The following ANK2 variants were observed in gnomAD, a reference collection of about 807,000 sequenced individuals.
ANK2 encodes ankyrin 2.
A neutral mutation model predicts 360.5 loss-of-function variants in ANK2; 83 were observed. The observed-to-expected ratio is 0.23, with a 90% CI of 0.19 to 0.28. The LOEUF is 0.28. Ranked by LOEUF, ANK2 falls within the 10% of genes least tolerant of loss-of-function variation. The pLI, the probability that ANK2 is intolerant of heterozygous loss-of-function variation, is 1.00. For synonymous variants in ANK2, 1,740 were observed against 1,759.5 expected (o/e 0.99, Z 0.28); for missense variants, 4,201 against 4,795.7 (o/e 0.88, Z 3.66).
intron 35 of ANK2, chr4:113,348,025 T>C: frequency 1.9e-6 from 1 of 518,668 alleles, no homozygotes; most frequent in South Asian, 2.4e-5. Context: ...GGTGACCTAG[T>C]ATCTGGAATT....
chr4:113,317,375 A>T (rs564415119), intron 24 of ANK2: 1 of 373,126 alleles, frequency 2.7e-6, no homozygotes, highest in South Asian at 2.4e-5. Context: ...TCCTGGAATT[A>T]TTTCCTGAGT....
At chr4:113,323,191 T>A (rs2087409575) in intron 26 of ANK2, among the ~76,000 whole-genome samples, 1 of 152,058 alleles carries the variant, frequency 6.6e-6, no homozygotes, top group Non-Finnish European at 1.5e-5. Context: ...GGAAATGAAG[T>A]ATTGACAAAA....
intron 35 of ANK2, among the ~76,000 whole-genome samples, chr4:113,346,565 T>G (rs1386421560): frequency 6.6e-6 from 1 of 152,122 alleles, no homozygotes; most frequent in Non-Finnish European, 1.5e-5. Flanking sequence ...TAGGAGCATA[T>G]AAACTGGTGT....
chr4:113,278,620 G>T, intron 17 of ANK2, 62 bp downstream of exon 17: 2 of 1,520,166 alleles, frequency 1.3e-6, no homozygotes, highest in South Asian at 2.3e-5. Context: ...AAACACATGA[G>T]AATTGTCTTT....
At chr4:112,959,264 T>C (rs1042585222) in intron 2 of ANK2, among the ~76,000 whole-genome samples, 1 of 152,104 alleles carries the variant, frequency 6.6e-6, no homozygotes, top group Non-Finnish European at 1.5e-5. Context: ...GGTTATCTTG[T>C]TGGGGAAAAA....
In ANK2 at chr4:113,369,781, C is replaced by T. The variant is rs749279759; in HGVS notation, c.11586C>T (p.Leu3862=). The change falls in exon 43 of 46, where the codon CTC becomes CTT. Residue 3862 remains leucine, a synonymous_variant. Transcript: ENST00000357077. ...ADNQPETCER[L]DEDAAFEKGD... is the part of the protein sequence containing the mutation. ...ACCAGCCTGAGACCTGTGAAAGACT[C>T]GATGAAGATGCAGCTTTTGAAAAGG... The T allele has an allele frequency of 2.0e-5, 32 of 1,613,946 alleles. No homozygotes were observed. The highest frequency in any genetic ancestry group is 3.3e-5 in the Admixed American group (2 of 59,996).
chr4:112,775,546 A>ACACACACACACACAC, the ANK2 span, among the ~76,000 whole-genome samples: 518 of 8,754 alleles, frequency 0.059, 4 homozygotes, highest in African/African-American at 0.1. Flanking sequence ...CACACACACA[A>ACACACACACACACAC]GAAAAAAAAT....
Position 113,353,358 on chromosome 4 carries a change from C to T in ANK2, c.4740C>T (p.Ser1580=). The part of the protein sequence containing the change: ...TCTRDESSVQ[S]SRSERGLVEE... ...CAAGAGATGAAAGCAGTGTGCAGAG[C>T]TCTCGGTCTGAGAGAGGATTAGTTG... The change falls in exon 38 of 46, where the codon AGC becomes AGT. Residue 1580 remains serine (S), a synonymous_variant. Coordinates refer to ENST00000357077, the MANE Select transcript of ANK2 (RefSeq NM_001148.6). The T allele has an allele frequency of 1.2e-6, 2 of 1,614,042 alleles. No individual in the cohort carries two copies. Among genetic ancestry groups the T allele is most frequent in the South Asian group, 2.2e-5 (2 of 91,086 alleles).
At chr4:113,058,527 T>G (rs2071341587) in intron 1 of ANK2, among the ~76,000 whole-genome samples, 3 of 152,028 alleles carry the variant, frequency 2.0e-5, no homozygotes, top group Non-Finnish European at 4.4e-5. Context: ...TATGAGAAAT[T>G]TAGTATTTTC....
intron 14 of ANK2, among the ~76,000 whole-genome samples, chr4:113,269,282 AC>A (rs1187282821): frequency 2.0e-5 from 3 of 152,108 alleles, no homozygotes; most frequent in Non-Finnish European, 4.4e-5. Flanking sequence ...AGGGGAGTGA[AC>A]CGTTCTGTCT....
intron 13 of ANK2, among the ~76,000 whole-genome samples, chr4:113,258,775 C>T (rs1365654881): frequency 1.3e-5 from 2 of 152,148 alleles, no homozygotes; most frequent in Non-Finnish European, 2.9e-5. Context: ...AACCTAGTTG[C>T]TTGAGGGAAT....
At chr4:113,129,884 TAAC>T (rs1475639249) in intron 1 of ANK2, among the ~76,000 whole-genome samples, 1 of 152,200 alleles carries the variant, frequency 6.6e-6, no homozygotes, top group Non-Finnish European at 1.5e-5. Flanking sequence ...TTGGTGATAT[TAAC>T]TACATGATGT....
intron 4 of ANK2, among the ~76,000 whole-genome samples, chr4:113,206,082 T>A (rs929400945): frequency 1.8e-4 from 27 of 152,244 alleles, no homozygotes; most frequent in African/African-American, 5.5e-4. Context: ...TCCTCTTTTT[T>A]AAAATTTAAT....
intron 1 of ANK2, among the ~76,000 whole-genome samples, chr4:112,852,767 G>T (rs939144581): frequency 3.9e-5 from 6 of 152,148 alleles, no homozygotes; most frequent in Non-Finnish European, 7.4e-5. Context: ...GAGAGTATTG[G>T]AATGGAATAC....
At chr4:112,908,681 A>G (rs1282944787) in intron 2 of ANK2, among the ~76,000 whole-genome samples, 1 of 152,214 alleles carries the variant, frequency 6.6e-6, no homozygotes, top group African/African-American at 2.4e-5. Context: ...GACTTATGCC[A>G]CCAAAAGCTG....
chr4:113,366,673 T>A (rs1170825539), intron 41 of ANK2, among the ~76,000 whole-genome samples: 2 of 152,130 alleles, frequency 1.3e-5, no homozygotes, highest in Admixed American at 1.3e-4. Flanking sequence ...CCTTTTTCTC[T>A]CACTTTATTT....
At chr4:112,764,679 T>G in the ANK2 span, among the ~76,000 whole-genome samples, 1 of 151,504 alleles carries the variant, frequency 6.6e-6, no homozygotes, top group African/African-American at 2.4e-5. Context: ...TCCTTTGTAT[T>G]TTGTAACTGG....
chr4:113,277,914 T>A lies in ANK2; in HGVS notation c.1761T>A (p.Ala587=). The A allele has an allele frequency of 6.2e-7, 1 of 1,613,930 alleles. No individual in the cohort carries two copies. The highest frequency in any genetic ancestry group is 8.5e-7 in the Non-Finnish European group (1 of 1,179,806). The change falls in exon 16 of 46, where the codon GCT becomes GCA. Residue 587 remains alanine (A), a synonymous_variant. Transcript: ENST00000357077. ...CAAAACTTCTCTTGCAACGCCGTGC[T>A]GCCGCAGATTCTGCAGGGAAGGTAA... ...DVAKLLLQRR[A]AADSAGKNGL... is the part of the protein sequence containing the mutation.
At chr4:113,285,078 A>T (rs2063869058) in intron 18 of ANK2, among the ~76,000 whole-genome samples, 1 of 152,208 alleles carries the variant, frequency 6.6e-6, no homozygotes, top group Non-Finnish European at 1.5e-5. Flanking sequence ...GTGTCTTAGG[A>T]AATAAATTAC....
Sources: gnomAD v4.1 joint callset for allele counts (sites outside exome capture counted in the v4.1 genomes callset) on GRCh38, gnomAD v4.1.1 for gene constraint, MANE v1.5 for transcripts, NCBI Gene and HGNC (gene_info 2026-07-23, HGNC 2026-07-21) for gene names.